PSME4: variants seen among roughly 807,000 people sequenced by gnomAD.
The protein encoded by PSME4 is proteasome activator complex subunit 4.
A neutral mutation model predicts 253.9 loss-of-function variants in PSME4; 89 were observed. The ratio of observed to expected loss-of-function variants is 0.35; its 90% CI spans 0.30 to 0.42. PSME4 has a LOEUF of 0.42. Among genes scored for constraint, PSME4 ranks in the 10% least tolerant of loss-of-function variants. The pLI is 1.00. For missense variants in PSME4, 2,014 were observed against 2,195.2 expected (o/e 0.92, Z 1.65); for synonymous variants, 851 against 759.2 (o/e 1.12, Z -1.99).
chr2:53,885,429 CT>C (rs1679591339), intron 41 of PSME4, among the ~76,000 whole-genome samples: 1 of 152,188 alleles, frequency 6.6e-6, no homozygotes, highest in Non-Finnish European at 1.5e-5. Context: ...TCTGCTATTA[CT>C]CAGAAATTAG....
Position 53,895,718 on chromosome 2 carries a change from G to A in PSME4, c.3707C>T (p.Thr1236Ile), listed in dbSNP as rs768957562. The change falls in exon 33 of 47, where the codon ACC becomes ATC. Residue 1236 changes from threonine to isoleucine, a missense_variant. This residue lies in a region of PSME4 where 989 missense variants were observed against 1,021.1 expected (regional missense o/e 0.97). Transcript: ENST00000404125. The part of the protein sequence containing the change: ...PCEISGCPKP[T>I]QIIAGDRPDN... ...AGGCCTATCACCAGCAATAATTTGG[G>A]TGGGTTTAGGGCATCCACCTAAGGA... 3 of 1,610,808 alleles carry A rather than the reference G, an allele frequency of 1.9e-6. No individual in the cohort carries two copies. The highest frequency in any genetic ancestry group is 2.5e-6 in the Non-Finnish European group (3 of 1,178,886).
At chr2:53,940,145 C>G (rs927747030) in intron 3 of PSME4, 145 bp from the exon 4 acceptor site, 4 of 583,194 alleles carry the variant, frequency 6.9e-6, no homozygotes, top group Non-Finnish European at 1.1e-5. Context: ...TTCATACAAA[C>G]GGAACTGCAA....
At chr2:53,961,838 A>C (rs867240859) in intron 1 of PSME4, among the ~76,000 whole-genome samples, 1 of 152,192 alleles carries the variant, frequency 6.6e-6, no homozygotes, top group Non-Finnish European at 1.5e-5. Context: ...CACCCAACAA[A>C]GGAGACAGGG....
At chr2:53,890,013 A>G in intron 37 of PSME4, 91 bp downstream of exon 37, 2 of 976,286 alleles carry the variant, frequency 2.0e-6, no homozygotes, top group South Asian at 3.0e-5. Flanking sequence ...AAAAGATTTA[A>G]GAAGTGTTAT....
intron 3 of PSME4, among the ~76,000 whole-genome samples, chr2:53,944,214 A>G (rs1429067491): frequency 2.0e-5 from 3 of 152,014 alleles, no homozygotes; most frequent in Non-Finnish European, 4.4e-5. Context: ...GCTGGAGTGC[A>G]GTGGGATGAT....
chr2:53,922,869 A>G (rs1668387889), intron 16 of PSME4, among the ~76,000 whole-genome samples, 180 bp downstream of exon 16: 1 of 152,244 alleles, frequency 6.6e-6, no homozygotes, highest in Non-Finnish European at 1.5e-5. Context: ...ATATTAATAA[A>G]GTAACATTTT....
chr2:53,930,394 C>T (rs1668768141), intron 10 of PSME4, among the ~76,000 whole-genome samples: 1 of 152,190 alleles, frequency 6.6e-6, no homozygotes, highest in African/African-American at 2.4e-5. Flanking sequence ...AGTCCCTCCT[C>T]TCCAGGGAGC....
At chr2:53,895,466 G>A in intron 33 of PSME4, 117 bp downstream of exon 33, 1 of 1,021,236 alleles carries the variant, frequency 9.8e-7, no homozygotes. Flanking sequence ...GAGAGGACTA[G>A]GGAAGGGGAA....
chr2:53,891,252 C>T (rs1011047597), intron 36 of PSME4, among the ~76,000 whole-genome samples: 3 of 152,082 alleles, frequency 2.0e-5, no homozygotes, highest in African/African-American at 7.2e-5. Context: ...AAAACATGTA[C>T]GTCGTACAGA....
chr2:53,913,160 T>C (rs1667905525), intron 20 of PSME4, among the ~76,000 whole-genome samples: 1 of 152,158 alleles, frequency 6.6e-6, no homozygotes, highest in South Asian at 2.1e-4. Context: ...ACACCCTCTA[T>C]GTAATAATAA....
chr2:53,966,060 C>G (rs558772141), intron 1 of PSME4, among the ~76,000 whole-genome samples: 3 of 151,938 alleles, frequency 2.0e-5, no homozygotes, highest in African/African-American at 7.3e-5. Context: ...AGATCTTGGG[C>G]GGATCATTTG....
Position 53,921,007 on chromosome 2 carries a change from G to T in PSME4, c.2144C>A (p.Thr715Asn), listed in dbSNP as rs777247611. 3.7e-6 allele frequency: 6 copies of T among 1,613,628 alleles called. No individual in the cohort carries two copies. The African/African-American group carries it at 5.3e-5, about 14-fold the overall frequency. ...ATGATGCAAAAGGTTACAAGACAGA[G>T]TGTAACCCTGCTTACAGGTTAAATG... Reference protein sequence around the residue: ...TLHLTCKQGYTLSCNLLHHLL... With the variant: ...TLHLTCKQGYNLSCNLLHHLL... Residue 715 changes from threonine (T) to asparagine (N), a missense_variant, in exon 18 of 47, where the codon ACT (threonine) becomes AAT (asparagine). By Grantham distance (65) the Thr-to-Asn change is moderately conservative (BLOSUM62 0). Coordinates refer to ENST00000404125, the MANE Select transcript of PSME4 (RefSeq NM_014614.3).
chr2:53,934,488 A>G, intron 8 of PSME4, 117 bp downstream of exon 8: 1 of 1,039,666 alleles, frequency 9.6e-7, no homozygotes, highest in Non-Finnish European at 1.4e-6. Flanking sequence ...GAAAATATCC[A>G]AGAATCAAGT....
chr2:53,875,558 T>C (rs746457400), intron 42 of PSME4, 69 bp downstream of exon 42: 4 of 1,463,250 alleles, frequency 2.7e-6, no homozygotes, highest in Non-Finnish European at 9.3e-7. Flanking sequence ...GCACTGCAGC[T>C]GACTGAAATT....
intron 3 of PSME4, among the ~76,000 whole-genome samples, chr2:53,945,530 G>A (rs751197285): frequency 6.6e-6 from 1 of 152,118 alleles, no homozygotes; most frequent in African/African-American, 2.4e-5. Context: ...GGGAAACAAG[G>A]ATAGGAAAGG....
At chr2:53,921,677 G>T (rs111406013) in intron 17 of PSME4, among the ~76,000 whole-genome samples, 3 of 137,080 alleles carry the variant, frequency 2.2e-5, no homozygotes, top group South Asian at 2.5e-4. Flanking sequence ...GACCATCCCG[G>T]CTAAAACGGT....
intron 1 of PSME4, among the ~76,000 whole-genome samples, chr2:53,951,353 A>T (rs1669983367): frequency 6.6e-6 from 1 of 152,230 alleles, no homozygotes; most frequent in Non-Finnish European, 1.5e-5. Context: ...AAGTGCTGGG[A>T]TTATAGGCGT....
At chr2:53,965,217 A>C (rs1418321638) in intron 1 of PSME4, among the ~76,000 whole-genome samples, 1 of 151,968 alleles carries the variant, frequency 6.6e-6, no homozygotes, top group Non-Finnish European at 1.5e-5. Flanking sequence ...ACCAGTTTAA[A>C]AGGAACAAAG....
intron 1 of PSME4, among the ~76,000 whole-genome samples, chr2:53,963,520 G>C (rs1670585858): frequency 6.6e-6 from 1 of 152,120 alleles, no homozygotes; most frequent in African/African-American, 2.4e-5. Flanking sequence ...TAACCTATGA[G>C]CCTCTTGTGT....
Sources: gnomAD v4.1 joint callset for allele counts (sites outside exome capture counted in the v4.1 genomes callset) on GRCh38, gnomAD v4.1.1 for gene constraint, gnomAD v4.1.1 regional missense constraint, MANE v1.5 for transcripts, NCBI Gene and HGNC (gene_info 2026-07-23, HGNC 2026-07-21) for gene names.